Variants in TET2 observed in about 807,000 individuals in gnomAD.
The protein encoded by TET2 is methylcytosine dioxygenase TET2.
Under a neutral mutation model 142.9 loss-of-function variants are expected in TET2, and 299 were observed. The observed-to-expected ratio is 2.09, with a 90% CI of 1.90 to 2.30. The LOEUF is 2.30. TET2 is among the 30% of genes most tolerant of loss of function. The pLI, the probability that TET2 is intolerant of heterozygous loss-of-function variation, is 0.00. For missense variants in TET2, 2,418 were observed against 2,378.0 expected (o/e 1.02, Z -0.35); for synonymous variants, 819 against 849.0 (o/e 0.96, Z 0.61).
chr4:105,220,203 A>G (rs1383499059), intron 2 of TET2, among the ~76,000 whole-genome samples: 1 of 152,182 alleles, frequency 6.6e-6, no homozygotes, highest in Non-Finnish European at 1.5e-5. Flanking sequence ...ATATATTATT[A>G]GAACCCATTT....
Position 105,235,559 on chromosome 4 carries a change from G to A in TET2, c.1617G>A (p.Glu539=). ...CQQLMRNKEQ[E]ILKGRDKEQT... ...AGTTGATGAGAAACAAAGAGCAAGAGATTCTGAAGGGTCGAGACAAGGAGC... is the reference window on the plus strand; with the variant it reads ...AGTTGATGAGAAACAAAGAGCAAGAAATTCTGAAGGGTCGAGACAAGGAGC... Residue 539 remains glutamate, a synonymous_variant, in exon 3 of 11, where the codon GAG becomes GAA. Coordinates refer to ENST00000380013, the MANE Select transcript of TET2 (RefSeq NM_001127208.3). 1.2e-6 allele frequency: 2 copies of A among 1,614,172 alleles called. No homozygotes were observed. The highest frequency in any genetic ancestry group is 1.3e-5 in the African/African-American group (1 of 75,042).
chr4:105,163,351 A>G (rs1723952041), intron 1 of TET2, among the ~76,000 whole-genome samples: 1 of 152,218 alleles, frequency 6.6e-6, no homozygotes, highest in South Asian at 2.1e-4. Flanking sequence ...CATCAAAAAC[A>G]TAGTTTATTT....
intron 6 of TET2, among the ~76,000 whole-genome samples, chr4:105,257,459 G>C (rs1018601966): frequency 3.3e-5 from 5 of 152,118 alleles, no homozygotes; most frequent in Non-Finnish European, 7.4e-5. Context: ...GTCAGCTAAG[G>C]ATTAGACAGA....
intron 8 of TET2, among the ~76,000 whole-genome samples, chr4:105,264,675 GATAAA>G (rs2110293191): frequency 6.6e-6 from 1 of 152,204 alleles, no homozygotes; most frequent in South Asian, 2.1e-4. Flanking sequence ...CTTCTGAATG[GATAAA>G]ATATTTTTAT....
rs148476212 is a variant in TET2, at chr4:105,175,403, A to G, written c.-192-14957A>G. 2.1e-3 allele frequency among the ~76,000 whole-genome samples: 327 copies of G among 152,322 alleles called. 1 individual carries two copies. The highest frequency in any genetic ancestry group is 7.6e-3 in the African/African-American group (314 of 41,570). On this transcript the variant is annotated intron_variant, in intron 1 of 10. Transcript: ENST00000380013. The stretch of plus-strand genomic sequence containing the variant: ...AGGAAAGAACCAAAGAGAAATGCCA[A>G]GTATCAAGCATAGTGTACAGAAATG...
rs567507897 is a variant in TET2, at chr4:105,150,732, C to G, written c.-193+3753C>G. ...TATACAGTATTTACTTGGTCTAGATCTCCAATTTCTATTTCTACTCACTGC... is the reference window on the plus strand; with the variant it reads ...TATACAGTATTTACTTGGTCTAGATGTCCAATTTCTATTTCTACTCACTGC... On this transcript the variant is annotated intron_variant, in intron 1 of 10. Transcript: ENST00000380013. Among the ~76,000 whole-genome samples, 7 of 152,300 alleles carry G rather than the reference C, an allele frequency of 4.6e-5. No homozygotes were observed. In the East Asian group the frequency reaches 1.4e-3, roughly 29 times the overall value.
rs1451497945 is a variant in TET2 at position 105,276,394 on chromosome 4, C to G, written c.5884C>G (p.Pro1962Ala). The change falls in exon 11 of 11, where the codon CCC (proline) becomes GCC (alanine). Residue 1962 changes from proline (P) to alanine (A), a missense_variant. Pro to Ala is a conservative substitution (Grantham distance 27). Transcript: ENST00000380013. ...EPAEPHETSE[P>A]TYLRFIKSLA... ...TGCTGAGCCACATGAAACTTCAGAG[C>G]CCACTTACCTGCGTTTCATCAAGTC... 6.4e-7 allele frequency: 1 copy of G among 1,551,980 alleles called. No homozygotes were observed. The highest frequency in any genetic ancestry group is 1.4e-5 in the African/African-American group (1 of 73,158).
intron 1 of TET2, among the ~76,000 whole-genome samples, chr4:105,159,250 TC>T (rs1276825712): frequency 1.4e-4 from 21 of 149,162 alleles, no homozygotes; most frequent in African/African-American, 4.3e-4. Flanking sequence ...TTTCTTTCTT[TC>T]TTTTTTTTTT....
In TET2 at chr4:105,155,372, G is replaced by A. The variant is rs142067584; in HGVS notation, c.-193+8393G>A. ...GCAGTCTTCATAATGCCAGGACAAA[G>A]TGAGAAACAGGGTCAGAATGATGAT... is the stretch of plus-strand genomic sequence containing the variant. On this transcript the variant is annotated intron_variant, in intron 1 of 10. Coordinates refer to ENST00000380013, the MANE Select transcript of TET2 (RefSeq NM_001127208.3). Among the ~76,000 whole-genome samples the A allele has an allele frequency of 1.3e-3, 200 of 152,362 alleles. 1 individual carries two copies. The Middle Eastern group carries it at 0.014, about 10-fold the overall frequency.
chr4:105,271,992 A>G (rs1469591383), intron 9 of TET2, among the ~76,000 whole-genome samples: 1 of 151,518 alleles, frequency 6.6e-6, no homozygotes, highest in African/African-American at 2.4e-5. Context: ...TATTACCTGT[A>G]TCAGCCAAAT....
intron 10 of TET2, among the ~76,000 whole-genome samples, chr4:105,273,849 T>C (rs1007990650): frequency 6.6e-5 from 10 of 152,166 alleles, no homozygotes; most frequent in African/African-American, 1.9e-4. Flanking sequence ...AATAGAACAT[T>C]ATTCATGAAT....
chr4:105,237,470 C>T (rs1349763762), intron 3 of TET2, 119 bp downstream of exon 3: 2 of 1,610,404 alleles, frequency 1.2e-6, no homozygotes, highest in South Asian at 2.2e-5. Flanking sequence ...TTTGTAAAGG[C>T]TCATAAAAAT....
chr4:105,253,275 G>A (rs1729960054), intron 6 of TET2, among the ~76,000 whole-genome samples: 1 of 152,222 alleles, frequency 6.6e-6, no homozygotes, highest in East Asian at 1.9e-4. Flanking sequence ...GATTGAGTTA[G>A]AAATACTGCC....
rs2110255932 is a variant in TET2 at position 105,243,747 on chromosome 4, C to T, written c.3772C>T (p.Leu1258Phe). Residue 1258 changes from leucine to phenylalanine, a missense_variant, in exon 6 of 11, where the codon CTC (leucine) becomes TTC (phenylalanine). Leu to Phe is a conservative substitution (Grantham distance 22, BLOSUM62 0). Transcript: ENST00000380013. ...CGAGACGCTGAGGAAATACGGCACG[C>T]TCACCAATCGCCGGTGTGCCTTGAA... ...LTETLRKYGT[L>F]TNRRCALNEE... The T allele has an allele frequency of 6.4e-7, 1 of 1,551,566 alleles. No homozygotes were observed. Among genetic ancestry groups the T allele is most frequent in the South Asian group, 1.2e-5 (1 of 84,028 alleles).
chr4:105,241,669 A>G, intron 4 of TET2: 1 of 1,281,216 alleles, frequency 7.8e-7, no homozygotes, highest in Non-Finnish European at 9.9e-7. Context: ...GATGCCAGAA[A>G]ACCCAGGCAT....
At chr4:105,159,205 A>G (rs1054201634) in intron 1 of TET2, among the ~76,000 whole-genome samples, 1 of 152,024 alleles carries the variant, frequency 6.6e-6, no homozygotes, top group Non-Finnish European at 1.5e-5. Flanking sequence ...CCAAAGCCTC[A>G]AAAGCTGTGC....
rs75754199 is a variant in TET2, at chr4:105,167,707, C to G, written c.-193+20728C>G. Reference sequence around the variant, plus strand: ...AATAGTCCTAGCAGTAGCAGTTCATCCTGTACAGATCTAAGGTGTAACTAT... The same window carrying G: ...AATAGTCCTAGCAGTAGCAGTTCATGCTGTACAGATCTAAGGTGTAACTAT... On this transcript the variant is annotated intron_variant, in intron 1 of 10. Coordinates refer to ENST00000380013, the MANE Select transcript of TET2 (RefSeq NM_001127208.3). Among the ~76,000 whole-genome samples the G allele has an allele frequency of 6.2e-3, 947 of 152,246 alleles. 6 individuals are homozygous for G. Among genetic ancestry groups the G allele is most frequent in the Non-Finnish European group, 9.0e-3 (612 of 68,012 alleles).
chr4:105,164,336 T>A (rs550533752), intron 1 of TET2, among the ~76,000 whole-genome samples: 2 of 152,338 alleles, frequency 1.3e-5, no homozygotes, highest in East Asian at 3.9e-4. Flanking sequence ...GCTGTGTATG[T>A]CATATTCAGG....
intron 1 of TET2, among the ~76,000 whole-genome samples, chr4:105,188,353 A>G (rs1168484418): frequency 6.6e-6 from 1 of 152,202 alleles, no homozygotes; most frequent in East Asian, 1.9e-4. Flanking sequence ...AATGATTGCC[A>G]GGGGCTGGGA....
Sources: gnomAD v4.1 joint callset for allele counts (sites outside exome capture counted in the v4.1 genomes callset) on GRCh38, gnomAD v4.1.1 for gene constraint, MANE v1.5 for transcripts, NCBI Gene and HGNC (gene_info 2026-07-23, HGNC 2026-07-21) for gene names.